PKHD1: variants seen among roughly 807,000 people sequenced by gnomAD.
PKHD1 encodes the protein fibrocystin.
In PKHD1, 291 loss-of-function variants were observed where a neutral mutation model predicts 412.0. The ratio of observed to expected loss-of-function variants is 0.71; its 90% CI spans 0.64 to 0.78. PKHD1 has a LOEUF of 0.78. Ranked by LOEUF, PKHD1 falls within the 30% of genes least tolerant of loss-of-function variation. The probability of loss-of-function intolerance (pLI) is 0.00; values close to 1 mark genes in which losing one functional copy is unlikely to be tolerated. For missense variants in PKHD1, 4,825 were observed against 4,950.7 expected (o/e 0.97, Z 0.76); for synonymous variants, 1,777 against 1,821.5 (o/e 0.98, Z 0.62).
chr6:51,979,333 G>T (rs1794847644), intron 35 of PKHD1, among the ~76,000 whole-genome samples: 1 of 151,954 alleles, frequency 6.6e-6, no homozygotes, highest in Admixed American at 6.6e-5. Flanking sequence ...TGCATCTAGG[G>T]TTTATTGCAG....
chr6:51,802,604 A>G (rs972879421), intron 52 of PKHD1, among the ~76,000 whole-genome samples: 1 of 151,642 alleles, frequency 6.6e-6, no homozygotes, highest in Non-Finnish European at 1.5e-5. Flanking sequence ...CTTAAGAATA[A>G]TAACATGATC....
At position 52,026,030 on chromosome 6, in the gene PKHD1, C is replaced by T. The variant is rs760468501; in HGVS notation, c.3780G>A (p.Ala1260=). Residue 1260 remains alanine (A), a synonymous_variant, in exon 32 of 67, where the codon GCG becomes GCA. Coordinates refer to ENST00000371117, the MANE Select transcript of PKHD1 (RefSeq NM_138694.4). ...ETLPAPQIPD[A]GAPTVPAAVE... ...CGGCAGCTGGAACAGTGGGAGCGCC[C>T]GCATCGGGTATCTGGGGGGCTGGCA... The T allele has an allele frequency of 7.4e-6, 12 of 1,613,968 alleles. No individual in the cohort carries two copies. In the Admixed American group the frequency reaches 1.2e-4, roughly 16 times the overall value.
At chr6:51,712,366 C>T (rs1026913549) in intron 60 of PKHD1, among the ~76,000 whole-genome samples, 2 of 152,114 alleles carry the variant, frequency 1.3e-5, no homozygotes, top group African/African-American at 2.4e-5. Context: ...GTCAGAAGTA[C>T]TCAAGGGGGT....
At chr6:52,024,444 T>C in intron 32 of PKHD1, 130 bp downstream of exon 32, 4 of 857,626 alleles carry the variant, frequency 4.7e-6, no homozygotes, top group Admixed American at 1.8e-5. Context: ...GAATTGGGAT[T>C]GTAAGAAGCC....
chr6:51,935,172 GA>G, intron 36 of PKHD1, among the ~76,000 whole-genome samples: 1 of 152,254 alleles, frequency 6.6e-6, no homozygotes, highest in East Asian at 1.9e-4. Flanking sequence ...ATTTTTAAAA[GA>G]AAAGTTGGGT....
intron 60 of PKHD1, among the ~76,000 whole-genome samples, chr6:51,735,528 T>C (rs1384298946): frequency 6.6e-6 from 1 of 152,186 alleles, no homozygotes; most frequent in African/African-American, 2.4e-5. Flanking sequence ...GAGCTTTGTA[T>C]GCGATGAAAG....
chr6:51,730,958 T>C (rs966723667), intron 60 of PKHD1, among the ~76,000 whole-genome samples: 8 of 152,216 alleles, frequency 5.3e-5, no homozygotes, highest in African/African-American at 1.9e-4. Flanking sequence ...TCTCACTCTG[T>C]CACCCACGCT....
rs1219027906 is a variant in PKHD1 at position 52,046,288 on chromosome 6, T to C, written c.2408-100A>G. The C allele has an allele frequency of 8.5e-6, 8 of 942,524 alleles. No homozygotes were observed. The East Asian group carries it at 1.9e-4, about 23-fold the overall frequency. 58.4% of individuals were successfully genotyped at this position (942,524 alleles called of 1,614,324 possible). Reference sequence around the variant, plus strand: ...AACACGATACATACTAGGATGCCTATCAAATTTTCAGGAGACCCTTCTGTC... The same window carrying C: ...AACACGATACATACTAGGATGCCTACCAAATTTTCAGGAGACCCTTCTGTC... On this transcript the variant is annotated intron_variant, in intron 23 of 66. Coordinates refer to ENST00000371117, the MANE Select transcript of PKHD1 (RefSeq NM_138694.4).
intron 60 of PKHD1, among the ~76,000 whole-genome samples, chr6:51,734,612 G>T (rs947884939): frequency 1.3e-5 from 2 of 151,986 alleles, no homozygotes; most frequent in South Asian, 2.1e-4. Flanking sequence ...GGGTGAAGGA[G>T]AGTCACAAAG....
chr6:51,632,770 C>T (rs538151069), intron 64 of PKHD1, 47 bp from the exon 65 acceptor site: 7 of 1,460,884 alleles, frequency 4.8e-6, no homozygotes, highest in Admixed American at 1.7e-5. Flanking sequence ...TAATAAGATG[C>T]TAATATAATT....
At position 51,707,133 on chromosome 6, in the gene PKHD1, A is replaced by G. The variant is rs554305438; in HGVS notation, c.10156+37252T>C. Among the ~76,000 whole-genome samples, 3 of 152,318 alleles carry G rather than the reference A, an allele frequency of 2.0e-5. No homozygotes were observed. The South Asian group carries it at 6.2e-4, about 32-fold the overall frequency. On this transcript the variant is annotated intron_variant, in intron 60 of 66. Coordinates refer to ENST00000371117, the MANE Select transcript of PKHD1 (RefSeq NM_138694.4). ...AAATCATTGCTACCATGACAGCCTG[A>G]TAAGTTTGTTGACATTAAGTATGCT...
At chr6:51,919,097 T>C (rs1260554044) in intron 37 of PKHD1, among the ~76,000 whole-genome samples, 2 of 152,216 alleles carry the variant, frequency 1.3e-5, no homozygotes, top group Non-Finnish European at 2.9e-5. Flanking sequence ...ACTCTCATGA[T>C]AGTTTCTTTT....
At position 52,044,925 on chromosome 6, in the gene PKHD1, G is replaced by C. The variant is rs115454437; in HGVS notation, c.2715+41C>G. 5.3e-4 allele frequency: 854 copies of C among 1,610,870 alleles called. 6 individuals are homozygous for C. The African/African-American group carries it at 1.0e-2, about 19-fold the overall frequency. The stretch of plus-strand genomic sequence containing the variant: ...AATCAGTGAGGAGTGAGTTAGACTT[G>C]AAACTGGAGCTTGCACTTAGGGTGG... On this transcript the variant is annotated intron_variant, in intron 25 of 66. Coordinates refer to ENST00000371117, the MANE Select transcript of PKHD1 (RefSeq NM_138694.4).
At chr6:51,962,553 G>A (rs1692670106) in intron 35 of PKHD1, among the ~76,000 whole-genome samples, 1 of 152,086 alleles carries the variant, frequency 6.6e-6, no homozygotes, top group Non-Finnish European at 1.5e-5. Flanking sequence ...CCAGTAGGTG[G>A]AAAGGTCAAA....
chr6:51,845,607 T>C (rs942634540), intron 50 of PKHD1, among the ~76,000 whole-genome samples: 1 of 152,236 alleles, frequency 6.6e-6, no homozygotes, highest in African/African-American at 2.4e-5. Context: ...ATCTACCTAA[T>C]AGAAGTGTTT....
chr6:51,756,907 G>T (rs960405310), intron 55 of PKHD1, among the ~76,000 whole-genome samples: 1 of 152,140 alleles, frequency 6.6e-6, no homozygotes, highest in African/African-American at 2.4e-5. Flanking sequence ...AGGGGAGGTG[G>T]ATTCGGGATG....
At chr6:51,773,125 T>C (rs777224700) in intron 54 of PKHD1, among the ~76,000 whole-genome samples, 2 of 152,040 alleles carry the variant, frequency 1.3e-5, no homozygotes, top group Non-Finnish European at 2.9e-5. Context: ...CCATTTGCAA[T>C]TCTTTTGGAA....
intron 64 of PKHD1, among the ~76,000 whole-genome samples, chr6:51,634,161 A>G (rs555225089): frequency 1.3e-5 from 2 of 152,298 alleles, no homozygotes; most frequent in East Asian, 1.9e-4. Context: ...TTTCATCCAC[A>G]TAACTCAGGC....
In PKHD1 at chr6:51,903,630, G is replaced by C; in HGVS notation, c.6963C>G (p.Gly2321=). The C allele has an allele frequency of 6.2e-7, 1 of 1,611,282 alleles. No homozygotes were observed. Among genetic ancestry groups the C allele is most frequent in the Non-Finnish European group, 8.5e-7 (1 of 1,177,884 alleles). ...CATTGGTGGGACTGCAGATATAGAT[G>C]CCAGATGGTGTCAACATTTCAGGAT... ...LSNPEMLTPS[G]IYICSPTNVI... The change falls in exon 43 of 67, where the codon GGC becomes GGG. Residue 2321 remains glycine, a synonymous_variant. Transcript: ENST00000371117.
Sources: gnomAD v4.1 joint callset for allele counts (sites outside exome capture counted in the v4.1 genomes callset) on GRCh38, gnomAD v4.1.1 for gene constraint, MANE v1.5 for transcripts, NCBI Gene and HGNC (gene_info 2026-07-23, HGNC 2026-07-21) for gene names.